Variants in JAK2 observed in about 807,000 individuals in gnomAD.
JAK2 encodes the protein tyrosine-protein kinase JAK2.
In JAK2, 86 loss-of-function variants were observed where a neutral mutation model predicts 139.3. The ratio of observed to expected loss-of-function variants is 0.62; its 90% CI spans 0.52 to 0.74. The LOEUF is 0.74. Ranked by LOEUF, JAK2 falls within the 30% of genes least tolerant of loss-of-function variation. The pLI, the probability that JAK2 is intolerant of heterozygous loss-of-function variation, is 0.00. For missense variants in JAK2, 1,421 were observed against 1,360.3 expected, an observed-to-expected ratio of 1.04 and a Z score of -0.70; for synonymous variants, 490 against 437.7, an observed-to-expected ratio of 1.12 and a Z score of -1.49.
chr9:5,070,051 T>C lies in JAK2; in HGVS notation c.1640T>C (p.Phe547Ser). 2 of 1,596,996 alleles carry C rather than the reference T, an allele frequency of 1.3e-6. No homozygotes were observed. The highest frequency in any genetic ancestry group is 1.7e-6 in the Non-Finnish European group (2 of 1,169,754). Reference sequence around the variant, plus strand: ...AAAATCAGAAATGAAGATTTGATATTTGTAAGTCATTAGATACTCATTACT... The same window carrying C: ...AAAATCAGAAATGAAGATTTGATATCTGTAAGTCATTAGATACTCATTACT... ...FHKIRNEDLI[F>S]NESLGQGTFT... Residue 547 changes from phenylalanine (F) to serine (S), a missense_variant and splice_region_variant, in exon 12 of 25, where the codon TTT becomes TCT. Phe to Ser is a radical substitution (Grantham distance 155). Transcript: ENST00000381652.
intron 6 of JAK2, among the ~76,000 whole-genome samples, chr9:5,051,293 G>C (rs1310707280): frequency 6.6e-6 from 1 of 152,116 alleles, no homozygotes; most frequent in Non-Finnish European, 1.5e-5. Context: ...TTCTGAGAAG[G>C]CTAGGGAAGT....
chr9:5,058,186 A>G (rs903634285), intron 8 of JAK2, among the ~76,000 whole-genome samples: 5 of 152,188 alleles, frequency 3.3e-5, no homozygotes, highest in African/African-American at 1.2e-4. Context: ...TCTGCTTTCA[A>G]TTCCTTTGGA....
Position 5,088,482 on chromosome 9 carries a change from C to A in JAK2, c.2572-1192C>A, listed in dbSNP as rs181227535. On this transcript the variant is annotated intron_variant, in intron 19 of 24. Coordinates refer to ENST00000381652, the MANE Select transcript of JAK2 (RefSeq NM_004972.4). ...TTTATTTAAATGTTATAGCAACTTA[C>A]CAATTCTATGTACTTAATGAGTTTT... Among the ~76,000 whole-genome samples, 682 of 152,108 alleles carry A rather than the reference C, an allele frequency of 4.5e-3. 7 individuals are homozygous for A. The highest frequency in any genetic ancestry group is 0.016 in the African/African-American group (654 of 41,484).
intron 22 of JAK2, chr9:5,109,658 C>T (rs961466888): frequency 6.6e-6 from 1 of 152,150 alleles, no homozygotes; most frequent in Non-Finnish European, 1.5e-5. Context: ...TATATACAGA[C>T]CAAGAAGTCA....
intron 18 of JAK2, among the ~76,000 whole-genome samples, chr9:5,080,957 G>A (rs922504255): frequency 2.2e-5 from 3 of 137,560 alleles, no homozygotes; most frequent in South Asian, 2.3e-4. Flanking sequence ...GTGCAGTGGC[G>A]CGATCTCGGC....
chr9:5,024,324 AT>A (rs201862372), intron 3 of JAK2, among the ~76,000 whole-genome samples: 15 of 151,708 alleles, frequency 9.9e-5, no homozygotes, highest in African/African-American at 2.9e-4. Flanking sequence ...AGCTTGTAAG[AT>A]TTTTTTTTGA....
At position 5,085,556 on chromosome 9, in the gene JAK2, T is replaced by C. The variant is rs911124138; in HGVS notation, c.2571+3695T>C. On this transcript the variant is annotated intron_variant, in intron 19 of 24. Transcript: ENST00000381652. ...TCAATAACTCGGGTTAAAATAGATA[T>C]AACAGCTGTATTTCCAGTTTGTGCC... is the stretch of plus-strand genomic sequence containing the variant. The C allele has an allele frequency of 1.7e-5, 12 of 695,084 alleles. No individual in the cohort carries two copies. The African/African-American group carries it at 2.1e-4, about 12-fold the overall frequency. The allele number at this position is 695,084 out of a possible 1,614,324, so 43.1% of individuals were successfully genotyped here.
At chr9:5,038,720 C>T (rs1816262188) in intron 4 of JAK2, among the ~76,000 whole-genome samples, 1 of 151,872 alleles carries the variant, frequency 6.6e-6, no homozygotes, top group African/African-American at 2.4e-5. Flanking sequence ...CAGGTTAGCG[C>T]TCTAAAGGTT....
intron 18 of JAK2, among the ~76,000 whole-genome samples, chr9:5,081,030 G>C (rs1819661415): frequency 6.6e-6 from 1 of 151,122 alleles, no homozygotes; most frequent in Admixed American, 6.6e-5. Context: ...TGAGTAGCTG[G>C]GACTACAGGC....
At chr9:5,082,579 C>A (rs554722764) in intron 19 of JAK2, among the ~76,000 whole-genome samples, 2 of 152,364 alleles carry the variant, frequency 1.3e-5, no homozygotes, top group Non-Finnish European at 1.5e-5. Context: ...CCAGCACAGA[C>A]CCTTCACGGA....
intron 14 of JAK2, among the ~76,000 whole-genome samples, chr9:5,074,673 T>G (rs1258427524): frequency 1.3e-5 from 2 of 152,208 alleles, no homozygotes; most frequent in Non-Finnish European, 2.9e-5. Flanking sequence ...ATATTAAAAT[T>G]AGGCCATTTA....
intron 5 of JAK2, among the ~76,000 whole-genome samples, chr9:5,047,323 C>T (rs930568178): frequency 6.6e-6 from 1 of 152,054 alleles, no homozygotes; most frequent in Non-Finnish European, 1.5e-5. Context: ...CTTTAAAGTT[C>T]TTAAGACAGT....
At chr9:5,057,707 C>T (rs1396196722) in intron 8 of JAK2, among the ~76,000 whole-genome samples, 2 of 151,558 alleles carry the variant, frequency 1.3e-5, no homozygotes, top group Non-Finnish European at 2.9e-5. Flanking sequence ...CTCAGCCTCC[C>T]GATAGCTGGG....
Position 5,054,558 on chromosome 9 carries a change from C to CA in JAK2, c.615-5_615-4insA, listed in dbSNP as rs1278864063. 1 of 1,538,050 alleles carries CA rather than the reference C, an allele frequency of 6.5e-7. No homozygotes were observed. Among genetic ancestry groups the CA allele is most frequent in the Non-Finnish European group, 8.8e-7 (1 of 1,140,742 alleles). On this transcript the variant is annotated splice_region_variant and splice_polypyrimidine_tract_variant and intron_variant, in intron 6 of 24. Transcript: ENST00000381652. This position sits in a 1 kb window ranked among gnomAD's most constrained non-coding sequence, Gnocchi z 4.9. ...GTTTTTCTGTATGTGCTTTTTTATC[C>CA]CTAGCTACAAGACATTCTTACCAAA...
At chr9:5,067,908 C>G (rs1009957914) in intron 10 of JAK2, among the ~76,000 whole-genome samples, 1 of 151,988 alleles carries the variant, frequency 6.6e-6, no homozygotes, top group African/African-American at 2.4e-5. Flanking sequence ...AATACCAGCA[C>G]TTTAGGAGGC....
Position 5,064,617 on chromosome 9 carries a change from T to C in JAK2, c.1057-266T>C, listed in dbSNP as rs16922577. 7.1e-3 allele frequency among the ~76,000 whole-genome samples: 1,074 copies of C among 152,156 alleles called. 10 individuals carry two copies. The highest frequency in any genetic ancestry group is 0.025 in the African/African-American group (1,029 of 41,516). On this transcript the variant is annotated intron_variant, in intron 8 of 24. Transcript: ENST00000381652. ...ATAGATTTCTAGCTGAGATAACTGGTATATTAGTCTAAGAAGGACATTGGA... is the reference window on the plus strand; with the variant it reads ...ATAGATTTCTAGCTGAGATAACTGGCATATTAGTCTAAGAAGGACATTGGA...
At chr9:5,111,617 G>A in intron 22 of JAK2, 2 of 373,286 alleles carry the variant, frequency 5.4e-6, no homozygotes, top group Admixed American at 3.7e-5. Context: ...GGTGGGCTTT[G>A]GCCCCATGCT....
intron 22 of JAK2, chr9:5,114,207 T>A: frequency 2.0e-6 from 1 of 495,468 alleles, no homozygotes; most frequent in South Asian, 1.8e-5. Context: ...CCTGAGCCGG[T>A]CCAGCCCCTT....
chr9:5,065,128 T>C, intron 9 of JAK2, 88 bp downstream of exon 9: 2 of 786,082 alleles, frequency 2.5e-6, no homozygotes, highest in South Asian at 4.8e-5. Flanking sequence ...CATGTATGTT[T>C]AGAAAAAAAT....
Sources: allele counts gnomAD v4.1 joint callset (sites outside exome capture counted in the v4.1 genomes callset), GRCh38; gene constraint gnomAD v4.1.1; non-coding constraint Gnocchi (gnomAD v3.1); transcripts MANE v1.5; gene names NCBI Gene and HGNC (gene_info 2026-07-23, HGNC 2026-07-21).